UBE2D2: variants seen among roughly 807,000 people sequenced by gnomAD.
UBE2D2 encodes ubiquitin-conjugating enzyme E2 D2.
A neutral mutation model predicts 24.2 loss-of-function variants in UBE2D2; 2 were observed. That is an observed-to-expected ratio of 0.08 (90% CI 0.03 to 0.26). UBE2D2 has a LOEUF of 0.26. UBE2D2 is among the 10% of genes least tolerant of loss of function. The probability of loss-of-function intolerance (pLI) is 1.00; values close to 1 mark genes in which losing one functional copy is unlikely to be tolerated. For missense variants in UBE2D2, 44 were observed against 177.6 expected, an observed-to-expected ratio of 0.25 and a Z score of 4.28; for synonymous variants, 58 against 56.5, an observed-to-expected ratio of 1.03 and a Z score of -0.12.
At chr5:139,556,689 C>T (rs1752983775), upstream of UBE2D2, among the ~76,000 whole-genome samples, 2 of 151,990 alleles carry the variant, frequency 1.3e-5, no homozygotes, top group South Asian at 2.1e-4. Flanking sequence ...CAGTTTTGCC[C>T]ATTAACCTAA....
At chr5:139,562,074 C>G in intron 1 of UBE2D2, 1 of 877,786 alleles carries the variant, frequency 1.1e-6, no homozygotes, top group Non-Finnish European at 1.7e-6. Context: ...GGTGTGGACT[C>G]TTAGGGCTTC....
chr5:139,556,152 C>T (rs1012567815), intron 1 of UBE2D2, among the ~76,000 whole-genome samples: 6 of 151,692 alleles, frequency 4.0e-5, no homozygotes, highest in Non-Finnish European at 8.8e-5. Flanking sequence ...AGGAAAATCA[C>T]TTGAGCTCGG....
intron 1 of UBE2D2, among the ~76,000 whole-genome samples, chr5:139,537,692 T>C (rs1279146656): frequency 1.3e-5 from 2 of 151,420 alleles, no homozygotes; most frequent in Non-Finnish European, 2.9e-5. Flanking sequence ...TGGCCAGGCG[T>C]GGTAGCTCAC....
At chr5:139,527,392 T>G (rs1752554353) in intron 1 of UBE2D2, among the ~76,000 whole-genome samples, 2 of 152,210 alleles carry the variant, frequency 1.3e-5, no homozygotes, top group Non-Finnish European at 2.9e-5. Context: ...AATTTTAAGT[T>G]AATTTAGACT....
chr5:139,594,854 C>T (rs1753927980), intron 1 of UBE2D2, among the ~76,000 whole-genome samples: 1 of 152,070 alleles, frequency 6.6e-6, no homozygotes, highest in Non-Finnish European at 1.5e-5. Context: ...CCATGGATAC[C>T]AAAATCTACA....
At chr5:139,547,980 C>A (rs1303148367) in intron 1 of UBE2D2, among the ~76,000 whole-genome samples, 1 of 151,702 alleles carries the variant, frequency 6.6e-6, no homozygotes, top group African/African-American at 2.4e-5. Flanking sequence ...CAGGCGTGAG[C>A]CACCGAGCCT....
rs948791356 is a variant in UBE2D2 at position 139,608,440 on chromosome 5, A to G, written c.89-6146A>G. ...GTGAGACTGTCTCAAAAAAAGAAAG[A>G]AAAAAAAGAAGGGTATTCTGGGTAT... On this transcript the variant is annotated intron_variant, in intron 2 of 6. Transcript: ENST00000398733. Among the ~76,000 whole-genome samples the G allele has an allele frequency of 2.0e-5, 3 of 151,836 alleles. No individual in the cohort carries two copies. The East Asian group carries it at 5.8e-4, about 29-fold the overall frequency.
Position 139,614,681 on chromosome 5 carries a change from T to C in UBE2D2, c.121-16T>C, listed in dbSNP as rs764383874. 2 of 1,613,844 alleles carry C rather than the reference T, an allele frequency of 1.2e-6. No individual in the cohort carries two copies. Among genetic ancestry groups the C allele is most frequent in the Non-Finnish European group, 1.7e-6 (2 of 1,179,850 alleles). ...TAATTTACTCATTTTAATCCCACTT[T>C]TCTTGTTATCAACAGAATGACAGTC... On this transcript the variant is annotated splice_polypyrimidine_tract_variant and intron_variant, in intron 3 of 6. Transcript: ENST00000398733.
intron 2 of UBE2D2, among the ~76,000 whole-genome samples, chr5:139,613,684 C>T (rs568016236): frequency 6.6e-6 from 1 of 151,996 alleles, no homozygotes; most frequent in South Asian, 2.1e-4. Context: ...ATGTACAGAC[C>T]TACACAAGAG....
chr5:139,567,300 A>G (rs888217047), intron 1 of UBE2D2, among the ~76,000 whole-genome samples: 2 of 152,002 alleles, frequency 1.3e-5, no homozygotes, highest in Non-Finnish European at 2.9e-5. Flanking sequence ...GGGTTTCACC[A>G]TATTGGCCAG....
chr5:139,610,368 C>G (rs1754290253), intron 2 of UBE2D2, among the ~76,000 whole-genome samples: 1 of 150,930 alleles, frequency 6.6e-6, no homozygotes, highest in African/African-American at 2.4e-5. Context: ...TAGTGAAACC[C>G]CGTCTCTACT....
At chr5:139,562,142 G>C (rs1401947841) in intron 1 of UBE2D2, 4 of 1,260,504 alleles carry the variant, frequency 3.2e-6, no homozygotes, top group Admixed American at 2.8e-5. Flanking sequence ...GGATGGCGGG[G>C]TTGGGGCCGA....
At chr5:139,526,694 C>G (rs1002338957) in intron 1 of UBE2D2, 3 of 150,694 alleles carry the variant, frequency 2.0e-5, no homozygotes, top group African/African-American at 7.4e-5. Context: ...TGCATTGGCA[C>G]TTTTGTTCTG....
chr5:139,547,354 G>A (rs1752847462), intron 1 of UBE2D2, among the ~76,000 whole-genome samples: 1 of 152,050 alleles, frequency 6.6e-6, no homozygotes, highest in African/African-American at 2.4e-5. Context: ...TGAGTCAGGG[G>A]GTAATTTGTA....
At chr5:139,541,919 G>T (rs1409172106) in intron 1 of UBE2D2, among the ~76,000 whole-genome samples, 1 of 152,054 alleles carries the variant, frequency 6.6e-6, no homozygotes, top group Non-Finnish European at 1.5e-5. Flanking sequence ...GGGTATGGTG[G>T]CACACAACTG....
chr5:139,561,465 T>A lies in UBE2D2; in HGVS notation c.-327T>A, dbSNP rs1384400199. 6.5e-6 allele frequency: 2 copies of A among 310,068 alleles called. No individual in the cohort carries two copies. The highest frequency in any genetic ancestry group is 1.2e-5 in the Non-Finnish European group (2 of 168,408). The allele number at this position is 310,068 out of a possible 1,614,324, so 19.2% of individuals were successfully genotyped here. On this transcript the variant is annotated 5_prime_UTR_variant, in exon 1 of 7. Transcript: ENST00000398733. ...GCCGGCCGAGCCCGAGGCTTGGGCTTTTGCTTTCTGGCGGAGGGATCTGCG... is the reference window on the plus strand; with the variant it reads ...GCCGGCCGAGCCCGAGGCTTGGGCTATTGCTTTCTGGCGGAGGGATCTGCG...
chr5:139,623,922 CT>C (rs1754565969), intron 6 of UBE2D2, among the ~76,000 whole-genome samples: 1 of 152,134 alleles, frequency 6.6e-6, no homozygotes, highest in Non-Finnish European at 1.5e-5. Context: ...AACTCCTGAC[CT>C]CAAATGATCT....
chr5:139,626,990 C>G lies in UBE2D2; in HGVS notation c.*189C>G. ...ACAACAAACTAGAAATACTGTACTT[C>G]TGTACCAACATTGCCTCCTAGCAGA... On this transcript the variant is annotated 3_prime_UTR_variant, in exon 7 of 7. Transcript: ENST00000398733. 1 of 549,422 alleles carries G rather than the reference C, an allele frequency of 1.8e-6. No homozygotes were observed. Among genetic ancestry groups the G allele is most frequent in the Non-Finnish European group, 3.2e-6 (1 of 309,716 alleles). 34.0% of individuals were successfully genotyped at this position (549,422 alleles called of 1,614,324 possible). A position where few individuals can be genotyped will look rare whatever the true frequency, so the allele number is the denominator to read the frequency against.
intron 1 of UBE2D2, among the ~76,000 whole-genome samples, chr5:139,552,915 C>A (rs1368786340): frequency 6.6e-6 from 1 of 152,132 alleles, no homozygotes; most frequent in Non-Finnish European, 1.5e-5. Context: ...CTCCCGATCT[C>A]AGGTGATCCA....
Sources: allele counts gnomAD v4.1 joint callset (sites outside exome capture counted in the v4.1 genomes callset), GRCh38; gene constraint gnomAD v4.1.1; transcripts MANE v1.5; gene names NCBI Gene and HGNC (gene_info 2026-07-23, HGNC 2026-07-21).